Variants in CCDC81 observed in about 807,000 individuals in gnomAD.
CCDC81 encodes coiled-coil domain containing 81.
Under a neutral mutation model 83.7 loss-of-function variants are expected in CCDC81, and 79 were observed. The observed-to-expected ratio is 0.94, with a 90% CI of 0.79 to 1.14. The LOEUF is 1.14. Among genes scored for constraint, CCDC81 ranks in the 50% most tolerant of loss-of-function variants. The pLI, the probability that CCDC81 is intolerant of heterozygous loss-of-function variation, is 0.00. For missense variants in CCDC81, 791 were observed against 778.1 expected (o/e 1.02, Z -0.20); for synonymous variants, 252 against 278.1 (o/e 0.91, Z 0.93).
chr11:86,422,803 C>G lies in CCDC81; in HGVS notation c.*88C>G. The G allele has an allele frequency of 7.6e-7, 1 of 1,312,190 alleles. No homozygotes were observed. The highest frequency in any genetic ancestry group is 2.3e-5 in the Admixed American group (1 of 42,944). The allele number at this position is 1,312,190 out of a possible 1,614,324, so 81.3% of individuals were successfully genotyped here. ...ATTGTGAAACTGCGTATTTTTACCTCAGAGAAAAAAATCATTGTTTAGGTT... is the reference window on the plus strand; with the variant it reads ...ATTGTGAAACTGCGTATTTTTACCTGAGAGAAAAAAATCATTGTTTAGGTT... On this transcript the variant is annotated 3_prime_UTR_variant, in exon 15 of 15. Coordinates refer to ENST00000445632, the MANE Select transcript of CCDC81 (RefSeq NM_001156474.2).
At chr11:86,407,489 C>A (rs1948578903) in intron 7 of CCDC81, 125 bp from the exon 8 acceptor site, 1 of 666,636 alleles carries the variant, frequency 1.5e-6, no homozygotes, top group Non-Finnish European at 2.7e-6. Flanking sequence ...AACCTCTATA[C>A]ATATAGCTGT....
Position 86,414,856 on chromosome 11 carries a change from T to G in CCDC81, c.1459T>G (p.Leu487Val). 6.2e-7 allele frequency: 1 copy of G among 1,608,990 alleles called. No homozygotes were observed. The highest frequency in any genetic ancestry group is 8.5e-7 in the Non-Finnish European group (1 of 1,178,748). Reference protein sequence around the residue: ...MEETQCYKRALDAQIKNKPSR... With the variant: ...MEETQCYKRAVDAQIKNKPSR... ...AGAAACACAGTGTTACAAGAGAGCT[T>G]TGGATGCACAGGTAAGGGGACAGAC... The change falls in exon 12 of 15, where the codon TTG (leucine) becomes GTG (valine). Residue 487 changes from leucine (L) to valine (V), a missense_variant. Leu to Val is a conservative substitution (Grantham distance 32, BLOSUM62 1). Transcript: ENST00000445632.
At position 86,422,573 on chromosome 11, in the gene CCDC81, G is replaced by C; in HGVS notation, c.1818-1G>C. On this transcript the variant is annotated splice_acceptor_variant, in intron 14 of 14. Transcript: ENST00000445632. LOFTEE classifies it high-confidence loss of function. ...ATCGGCATTTGCTCTCCTCTCCTCAGGGCTTCAGACAAGCTGTTTCTCCTA... is the reference window on the plus strand; with the variant it reads ...ATCGGCATTTGCTCTCCTCTCCTCACGGCTTCAGACAAGCTGTTTCTCCTA... The C allele has an allele frequency of 6.2e-7, 1 of 1,613,042 alleles. No homozygotes were observed. The highest frequency in any genetic ancestry group is 1.3e-5 in the African/African-American group (1 of 74,996).
At chr11:86,403,143 C>T (rs1163309339) in intron 7 of CCDC81, among the ~76,000 whole-genome samples, 1 of 151,524 alleles carries the variant, frequency 6.6e-6, no homozygotes, top group Non-Finnish European at 1.5e-5. Flanking sequence ...CATGAGCCAC[C>T]ACACCTGGCC....
chr11:86,375,522 A>G (rs1265500326), intron 1 of CCDC81, among the ~76,000 whole-genome samples: 1 of 152,202 alleles, frequency 6.6e-6, no homozygotes, highest in Non-Finnish European at 1.5e-5. Context: ...AGGTAAAAAC[A>G]GCCACTCCCA....
chr11:86,375,004 A>C lies in CCDC81; in HGVS notation c.-160A>C. On this transcript the variant is annotated 5_prime_UTR_variant, in exon 1 of 15. Transcript: ENST00000445632. ...AGTTTATTTAAGAAAGAAGAAAAAG[A>C]GTCAAGAAGTTCAAGATTTTCGTCA... The C allele has an allele frequency of 1.4e-6, 1 of 721,744 alleles. No individual in the cohort carries two copies. Among genetic ancestry groups the C allele is most frequent in the Non-Finnish European group, 2.5e-6 (1 of 399,368 alleles). The allele number at this position is 721,744 out of a possible 1,614,324, so 44.7% of individuals were successfully genotyped here.
chr11:86,415,335 C>A (rs1483365718), intron 13 of CCDC81, 22 bp downstream of exon 13: 1 of 1,573,894 alleles, frequency 6.4e-7, no homozygotes, highest in East Asian at 2.2e-5. Context: ...CCTGATCTTT[C>A]TCCCTCCACT....
At position 86,408,219 on chromosome 11, in the gene CCDC81, C is replaced by T; in HGVS notation, c.1062C>T (p.Leu354=). ...ERRREIEDER[L]IQQYQMLKDQ... ...GGAGAGAGATAGAAGATGAGAGACT[C>T]ATACAGCAGTATCAGATGTTAAAGG... is the stretch of plus-strand genomic sequence containing the variant. Residue 354 remains leucine (L), a synonymous_variant, in exon 9 of 15, where the codon CTC becomes CTT. Transcript: ENST00000445632. 6.2e-7 allele frequency: 1 copy of T among 1,613,932 alleles called. No individual in the cohort carries two copies. Among genetic ancestry groups the T allele is most frequent in the South Asian group, 1.1e-5 (1 of 91,054 alleles).
In CCDC81 at chr11:86,393,099, G is replaced by A. The variant is rs145671102; in HGVS notation, c.555+302G>A. The stretch of plus-strand genomic sequence containing the variant: ...GTTTTTTGAGACAGAGTCTCACTCC[G>A]TCACCCAGGCTGGAGTGCAGTGGCA... On this transcript the variant is annotated intron_variant, in intron 4 of 14. Coordinates refer to ENST00000445632, the MANE Select transcript of CCDC81 (RefSeq NM_001156474.2). 2.0e-4 allele frequency among the ~76,000 whole-genome samples: 31 copies of A among 152,212 alleles called. No homozygotes were observed. The East Asian group carries it at 4.3e-3, about 21-fold the overall frequency.
At chr11:86,380,804 C>G (rs1565756802) in intron 1 of CCDC81, among the ~76,000 whole-genome samples, 1 of 152,212 alleles carries the variant, frequency 6.6e-6, no homozygotes, top group African/African-American at 2.4e-5. Context: ...GGATTTCAAT[C>G]TCTCTGCTTA....
At chr11:86,422,299 C>T (rs191799029) in intron 14 of CCDC81, among the ~76,000 whole-genome samples, 205 of 152,244 alleles carry the variant, frequency 1.3e-3, no homozygotes, top group Non-Finnish European at 2.0e-3. Context: ...GTGTGACCTT[C>T]GGCAAGTTCT....
intron 11 of CCDC81, among the ~76,000 whole-genome samples, chr11:86,412,833 C>G (rs755404297): frequency 6.6e-6 from 1 of 152,098 alleles, no homozygotes; most frequent in South Asian, 2.1e-4. Context: ...TCTGGCCACA[C>G]GGCAGTATCT....
chr11:86,391,103 G>C (rs773989930), intron 3 of CCDC81, among the ~76,000 whole-genome samples: 1 of 152,202 alleles, frequency 6.6e-6, no homozygotes, highest in Non-Finnish European at 1.5e-5. Context: ...TGAGATGATA[G>C]TGTCCTAACT....
At chr11:86,410,906 GTCT>G (rs2138534031) in intron 10 of CCDC81, among the ~76,000 whole-genome samples, 1 of 152,254 alleles carries the variant, frequency 6.6e-6, no homozygotes, top group South Asian at 2.1e-4. Context: ...CTGTCCAAAT[GTCT>G]TCATCTTTAA....
intron 6 of CCDC81, among the ~76,000 whole-genome samples, chr11:86,400,188 G>T (rs966165117): frequency 3.3e-5 from 5 of 150,494 alleles, no homozygotes; most frequent in East Asian, 3.9e-4. Flanking sequence ...TATACATTTT[G>T]CATCACTGTC....
chr11:86,414,728 T>C (rs888959013), intron 11 of CCDC81, 61 bp from the exon 12 acceptor site: 5 of 983,952 alleles, frequency 5.1e-6, no homozygotes, highest in Non-Finnish European at 7.8e-6. Context: ...TTGATGATGT[T>C]AATCCATATT....
At chr11:86,377,725 T>G (rs1202827393) in intron 1 of CCDC81, among the ~76,000 whole-genome samples, 1 of 152,174 alleles carries the variant, frequency 6.6e-6, no homozygotes, top group Non-Finnish European at 1.5e-5. Flanking sequence ...GCTTGTCTTC[T>G]CATTCTCTTG....
At chr11:86,386,360 G>T (rs1398834610) in intron 2 of CCDC81, among the ~76,000 whole-genome samples, 1 of 152,144 alleles carries the variant, frequency 6.6e-6, no homozygotes, top group African/African-American at 2.4e-5. Context: ...CTCTTCTAGT[G>T]TTACAGAGTG....
intron 14 of CCDC81, among the ~76,000 whole-genome samples, chr11:86,421,287 T>C (rs1423370067): frequency 1.3e-5 from 2 of 152,160 alleles, no homozygotes; most frequent in Non-Finnish European, 2.9e-5. Context: ...TAGTTTATTC[T>C]TTTTTCTTTT....
Sources: gnomAD v4.1 joint callset for allele counts (sites outside exome capture counted in the v4.1 genomes callset) on GRCh38, gnomAD v4.1.1 for gene constraint, MANE v1.5 for transcripts, NCBI Gene and HGNC (gene_info 2026-07-23, HGNC 2026-07-21) for gene names.